The following IL31RA variants were observed in gnomAD, a reference collection of about 807,000 sequenced individuals.
The protein encoded by IL31RA is interleukin 31 receptor A.
In IL31RA, 66 loss-of-function variants were observed where a neutral mutation model predicts 83.7. The ratio of observed to expected loss-of-function variants is 0.79; its 90% CI spans 0.65 to 0.97. The LOEUF (loss-of-function observed/expected upper bound fraction) is 0.97. Ranked by LOEUF, IL31RA falls within the 50% of genes least tolerant of loss-of-function variation. The pLI is 0.00. For missense variants in IL31RA, 798 were observed against 919.4 expected, an observed-to-expected ratio of 0.87 and a Z score of 1.71; for synonymous variants, 325 against 329.0, an observed-to-expected ratio of 0.99 and a Z score of 0.13.
chr5:55,855,108 A>G (rs1745278063), intron 1 of IL31RA, among the ~76,000 whole-genome samples: 1 of 151,974 alleles, frequency 6.6e-6, no homozygotes, highest in Admixed American at 6.6e-5. Flanking sequence ...ACTTATGGCC[A>G]TAGTGCTGGC....
At chr5:55,855,534 G>C (rs1167190755) in intron 1 of IL31RA, among the ~76,000 whole-genome samples, 1 of 152,078 alleles carries the variant, frequency 6.6e-6, no homozygotes, top group Non-Finnish European at 1.5e-5. Context: ...GTACATTCTT[G>C]TACAAGTGAA....
In IL31RA at chr5:55,917,800, G is replaced by A. The variant is rs1749875528; in HGVS notation, c.*680G>A. Among the ~76,000 whole-genome samples the A allele has an allele frequency of 6.6e-6, 1 of 152,206 alleles. No homozygotes were observed. The highest frequency in any genetic ancestry group is 2.4e-5 in the African/African-American group (1 of 41,434). On this transcript the variant is annotated 3_prime_UTR_variant, in exon 15 of 15. Coordinates refer to ENST00000652347, the MANE Select transcript of IL31RA (RefSeq NM_139017.7). ...AGGAATGGGGAGGGCCCTGGGGAAT[G>A]TATGCTGCCGGGCGCAGCTCTGTCC...
At chr5:55,897,177 T>C (rs980729693) in intron 7 of IL31RA, among the ~76,000 whole-genome samples, 13 of 144,946 alleles carry the variant, frequency 9.0e-5, no homozygotes, top group African/African-American at 2.8e-4. Flanking sequence ...TAAAAGCCCT[T>C]GATCTCTTAC....
rs774521942 is a variant in IL31RA, at chr5:55,917,031, G to A, written c.2206G>A (p.Ala736Thr). The change falls in exon 15 of 15, where the codon GCC becomes ACC. Residue 736 changes from alanine to threonine, a missense_variant. Transcript: ENST00000652347. ...LVPDHLCEEG[A>T]PNPYLKNSVT... Reference sequence around the variant, plus strand: ...ACCAGATCATCTGTGTGAGGAAGGAGCCCCAAATCCATATTTGAAAAATTC... The same window carrying A: ...ACCAGATCATCTGTGTGAGGAAGGAACCCCAAATCCATATTTGAAAAATTC... The A allele has an allele frequency of 3.1e-6, 5 of 1,614,074 alleles. No individual in the cohort carries two copies. The East Asian group carries it at 1.1e-4, about 36-fold the overall frequency.
At chr5:55,847,226 GAA>G (rs57491641), upstream of IL31RA, among the ~76,000 whole-genome samples, 76,217 of 118,538 alleles carry the variant, frequency 0.64, 23,955 homozygotes, top group South Asian at 0.74. Context: ...CTGGGCAACA[GAA>G]AAAAAAAAAA....
At chr5:55,853,274 CTT>C in intron 1 of IL31RA, 1 of 1,133,566 alleles carries the variant, frequency 8.8e-7, no homozygotes, top group Non-Finnish European at 1.1e-6. Flanking sequence ...TCAGATGATC[CTT>C]TTTTTTTGTA....
Position 55,922,411 on chromosome 5 carries a change from T to G in IL31RA, c.*5291T>G, listed in dbSNP as rs1403466934. ...TCATTTTTAGGACTAGAATTCTGTC[T>G]TCCTGCCCAACTTCAATATAAGTGT... On this transcript the variant is annotated 3_prime_UTR_variant, in exon 15 of 15. Coordinates refer to ENST00000652347, the MANE Select transcript of IL31RA (RefSeq NM_139017.7). The G allele has an allele frequency of 4.5e-6, 7 of 1,550,888 alleles. No individual in the cohort carries two copies. In the South Asian group the frequency reaches 7.1e-5, roughly 16 times the overall value.
At chr5:55,902,459 C>CAAAAAAAAAAAAA (rs59506009) in intron 8 of IL31RA, 15 of 100,720 alleles carry the variant, frequency 1.5e-4, no homozygotes, top group African/African-American at 4.3e-4. Context: ...CTTGTTTCTA[C>CAAAAAAAAAAAAA]AAAAAAAAAA....
At chr5:55,907,128 C>T (rs192567538) in intron 9 of IL31RA, among the ~76,000 whole-genome samples, 5 of 151,954 alleles carry the variant, frequency 3.3e-5, no homozygotes, top group South Asian at 2.1e-4. Context: ...TTCCCTGCCT[C>T]CAAAAAATAA....
At chr5:55,849,004 A>G (rs796104682), upstream of IL31RA, among the ~76,000 whole-genome samples, 6 of 152,348 alleles carry the variant, frequency 3.9e-5, no homozygotes, top group African/African-American at 1.4e-4. Flanking sequence ...TGAGAATGAC[A>G]TCTATTTCCC....
At chr5:55,845,513 A>AG in the IL31RA span, among the ~76,000 whole-genome samples, 1 of 151,018 alleles carries the variant, frequency 6.6e-6, no homozygotes, top group African/African-American at 2.4e-5. Flanking sequence ...CCCCACGTCA[A>AG]GGGCAGGACC....
intron 6 of IL31RA, among the ~76,000 whole-genome samples, chr5:55,892,986 C>T (rs1052666551): frequency 2.6e-5 from 4 of 152,176 alleles, no homozygotes; most frequent in Non-Finnish European, 4.4e-5. Context: ...ATTTATAAAG[C>T]GTGTGTTTTC....
At chr5:55,891,481 T>C (rs1246087101) in intron 6 of IL31RA, among the ~76,000 whole-genome samples, 1 of 152,202 alleles carries the variant, frequency 6.6e-6, no homozygotes, top group African/African-American at 2.4e-5. Flanking sequence ...AGAATCTGTT[T>C]CCTTGCCTTC....
chr5:55,862,783 GC>G (rs768448055), intron 2 of IL31RA, among the ~76,000 whole-genome samples: 12 of 152,162 alleles, frequency 7.9e-5, no homozygotes, highest in Non-Finnish European at 1.8e-4. Flanking sequence ...CTTGGTCTCT[GC>G]CGGTCTGTTA....
chr5:55,840,125 T>C, the IL31RA span: 2 of 308,344 alleles, frequency 6.5e-6, no homozygotes, highest in African/African-American at 4.3e-5. Context: ...TAGACTTTAC[T>C]AGTATCTATG....
At chr5:55,864,343 ACACACACACACAC>A (rs1170724778) in intron 2 of IL31RA, among the ~76,000 whole-genome samples, 2 of 81,088 alleles carry the variant, frequency 2.5e-5, no homozygotes, top group African/African-American at 4.3e-5. Flanking sequence ...ACCACACTAC[ACACACACACACAC>A]CACACACACT....
chr5:55,859,391 A>G (rs913347254), intron 1 of IL31RA, 118 bp from the exon 2 acceptor site: 1 of 761,004 alleles, frequency 1.3e-6, no homozygotes, highest in Non-Finnish European at 2.3e-6. Flanking sequence ...TAGTCAACAA[A>G]TAAAATAAAA....
intron 8 of IL31RA, among the ~76,000 whole-genome samples, chr5:55,901,295 T>C (rs1298951820): frequency 6.6e-6 from 1 of 152,180 alleles, no homozygotes; most frequent in Non-Finnish European, 1.5e-5. Context: ...TCTTTATTAA[T>C]AGAGGTGCTG....
At chr5:55,855,638 G>A (rs943415966) in intron 1 of IL31RA, among the ~76,000 whole-genome samples, 12 of 152,150 alleles carry the variant, frequency 7.9e-5, no homozygotes, top group Admixed American at 3.9e-4. Context: ...GGGGGATTGC[G>A]TGGGAGTAAA....
Sources: allele counts gnomAD v4.1 joint callset (sites outside exome capture counted in the v4.1 genomes callset), GRCh38; gene constraint gnomAD v4.1.1; transcripts MANE v1.5; gene names NCBI Gene and HGNC (gene_info 2026-07-23, HGNC 2026-07-21).